The following OXTR variants were observed in gnomAD, a reference collection of about 807,000 sequenced individuals.
OXTR encodes oxytocin receptor.
Under a neutral mutation model 23.9 loss-of-function variants are expected in OXTR, and 19 were observed. The ratio of observed to expected loss-of-function variants is 0.80; its 90% CI spans 0.56 to 1.17. The LOEUF is 1.17. Ranked by LOEUF, OXTR falls within the 50% of genes most tolerant of loss-of-function variation. The pLI, the probability that OXTR is intolerant of heterozygous loss-of-function variation, is 0.00. For synonymous variants in OXTR, 278 were observed against 250.5 expected, an observed-to-expected ratio of 1.11 and a Z score of -1.04; for missense variants, 500 against 550.7, an observed-to-expected ratio of 0.91 and a Z score of 0.92.
Position 8,761,619 on chromosome 3 carries a change from C to T in OXTR, c.922+5647G>A, listed in dbSNP as rs562064468. Among the ~76,000 whole-genome samples the T allele has an allele frequency of 1.7e-3, 258 of 152,302 alleles. 1 individual carries two copies. Among genetic ancestry groups the T allele is most frequent in the African/African-American group, 5.0e-3 (207 of 41,574 alleles). ...CGTGGGCAGGTCACACCTCTCTAAG[C>T]CTCAGTTTCATCATCTGTAGAAAAG... On this transcript the variant is annotated intron_variant, in intron 3 of 3. Coordinates refer to ENST00000316793, the MANE Select transcript of OXTR (RefSeq NM_000916.4).
rs935606503 is a variant in OXTR, at chr3:8,756,932, C to G, written c.923-3708G>C. On this transcript the variant is annotated intron_variant, in intron 3 of 3. Coordinates refer to ENST00000316793, the MANE Select transcript of OXTR (RefSeq NM_000916.4). ...AGGAGGACCTACAAGTCCTCATGGG[C>G]CTGACTCAGAAAGGTCTGCTATGCA... 2.6e-5 allele frequency among the ~76,000 whole-genome samples: 4 copies of G among 152,226 alleles called. No individual in the cohort carries two copies. The East Asian group carries it at 5.8e-4, about 22-fold the overall frequency.
chr3:8,756,054 C>G (rs953744995), intron 3 of OXTR, among the ~76,000 whole-genome samples: 1 of 152,146 alleles, frequency 6.6e-6, no homozygotes, highest in Non-Finnish European at 1.5e-5. Context: ...AATAGGGAGC[C>G]ACTGATGGTT....
At chr3:8,747,445 A>G (rs1708190493), downstream of OXTR, among the ~76,000 whole-genome samples, 1 of 152,070 alleles carries the variant, frequency 6.6e-6, no homozygotes, top group Non-Finnish European at 1.5e-5. Flanking sequence ...TTACATCCCT[A>G]TTCATCTATC....
the OXTR span, among the ~76,000 whole-genome samples, chr3:8,741,336 T>C: frequency 6.6e-6 from 1 of 152,224 alleles, no homozygotes; most frequent in Non-Finnish European, 1.5e-5. Context: ...CAAATTTCTA[T>C]GAATATTTCT....
At chr3:8,753,668 C>A (rs929013175) in intron 3 of OXTR, among the ~76,000 whole-genome samples, 21 of 152,188 alleles carry the variant, frequency 1.4e-4, no homozygotes, top group Admixed American at 1.2e-3. Context: ...TACTTGAAGT[C>A]CCTAAGAAGC....
At position 8,769,481 on chromosome 3, in the gene OXTR, T is replaced by C. The variant is rs556898345; in HGVS notation, c.-489A>G. ...TCCCAGGCTGCGCGCGCGGACAGCGTCTGGATGCGGCGCTGTGCGCTGGGG... is the reference window on the plus strand; with the variant it reads ...TCCCAGGCTGCGCGCGCGGACAGCGCCTGGATGCGGCGCTGTGCGCTGGGG... On this transcript the variant is annotated 5_prime_UTR_variant, in exon 1 of 4. Transcript: ENST00000316793. The C allele has an allele frequency of 3.3e-5, 5 of 152,408 alleles. No homozygotes were observed. In the East Asian group the frequency reaches 9.7e-4, roughly 29 times the overall value. The allele number at this position is 152,408 out of a possible 1,614,324, so 9.4% of individuals were successfully genotyped here.
At chr3:8,759,421 T>A (rs1708442064) in intron 3 of OXTR, among the ~76,000 whole-genome samples, 1 of 152,220 alleles carries the variant, frequency 6.6e-6, no homozygotes, top group Admixed American at 6.5e-5. Flanking sequence ...GTCTTATTGG[T>A]AGCTCCGTCC....
At chr3:8,760,257 G>A (rs115396476) in intron 3 of OXTR, among the ~76,000 whole-genome samples, 2,174 of 152,298 alleles carry the variant, frequency 0.014, 24 homozygotes, top group Middle Eastern at 0.041. Flanking sequence ...CAGCACTGCC[G>A]CTCCATCTGA....
At chr3:8,766,995 T>C (rs529106951) in intron 3 of OXTR, among the ~76,000 whole-genome samples, 4 of 152,324 alleles carry the variant, frequency 2.6e-5, no homozygotes, top group East Asian at 1.9e-4. Flanking sequence ...CTAAGGACTT[T>C]AACTGCATTT....
chr3:8,755,978 G>T (rs1048350915), intron 3 of OXTR, among the ~76,000 whole-genome samples: 8 of 152,212 alleles, frequency 5.3e-5, no homozygotes, highest in Non-Finnish European at 1.2e-4. Flanking sequence ...AGTTTGGAAA[G>T]ATGGTTTGGA....
the OXTR span, among the ~76,000 whole-genome samples, chr3:8,744,333 C>G: frequency 6.9e-6 from 1 of 144,480 alleles, no homozygotes; most frequent in African/African-American, 2.7e-5. Flanking sequence ...GGCTGGAGTG[C>G]AGTGGCACAA....
rs1457871248 is a variant in OXTR, at chr3:8,767,278, C to T, written c.910G>A (p.Ala304Thr). 3.2e-6 allele frequency: 5 copies of T among 1,550,178 alleles called. No homozygotes were observed. The highest frequency in any genetic ancestry group is 4.3e-6 in the Non-Finnish European group (5 of 1,149,440). The change falls in exon 3 of 4, where the codon GCG becomes ACG. Residue 304 changes from alanine (A) to threonine (T), a missense_variant. Ala to Thr is a moderately conservative substitution (Grantham distance 58). Coordinates refer to ENST00000316793, the MANE Select transcript of OXTR (RefSeq NM_000916.4). ...CAGCCCTGGCTACCTTCCTTGGGCG[C>T]GTTGGCATCCCAGACGCTCCACATC... ...VQMWSVWDAN[A>T]PKEASAFIIV...
rs1708246696 is a variant in OXTR at position 8,751,023 on chromosome 3, C to T, written c.*1954G>A. On this transcript the variant is annotated 3_prime_UTR_variant, in exon 4 of 4. Coordinates refer to ENST00000316793, the MANE Select transcript of OXTR (RefSeq NM_000916.4). ...ACAATTTAAATTTCTACCAGTTTCT[C>T]TACATCCTCACCGACACTCGTTCTT... The T allele has an allele frequency of 6.6e-6, 1 of 152,174 alleles. No homozygotes were observed. Among genetic ancestry groups the T allele is most frequent in the African/African-American group, 2.4e-5 (1 of 41,436 alleles). 9.4% of individuals were successfully genotyped at this position (152,174 alleles called of 1,614,324 possible).
At chr3:8,762,901 A>G (rs1708520350) in intron 3 of OXTR, among the ~76,000 whole-genome samples, 1 of 152,110 alleles carries the variant, frequency 6.6e-6, no homozygotes, top group African/African-American at 2.4e-5. Flanking sequence ...TCCTGAGTCC[A>G]GCTCTTCATG....
Position 8,768,860 on chromosome 3 carries a change from G to A in OXTR, c.-238-269C>T, listed in dbSNP as rs768896079. Reference sequence around the variant, plus strand: ...TCTAACCCCCTTTTCTAAGACGGTCGGCCGTCACTCCCTGAACTTCCACAG... The same window carrying A: ...TCTAACCCCCTTTTCTAAGACGGTCAGCCGTCACTCCCTGAACTTCCACAG... On this transcript the variant is annotated intron_variant, in intron 1 of 3. Transcript: ENST00000316793. This position sits in a 1 kb window ranked among gnomAD's most constrained non-coding sequence, Gnocchi z 5.4. Among the ~76,000 whole-genome samples, 2 of 152,080 alleles carry A rather than the reference G, an allele frequency of 1.3e-5. No homozygotes were observed. The highest frequency in any genetic ancestry group is 2.9e-5 in the Non-Finnish European group (2 of 68,018).
chr3:8,760,761 AAC>A (rs1460475171), intron 3 of OXTR, among the ~76,000 whole-genome samples: 1 of 152,214 alleles, frequency 6.6e-6, no homozygotes, highest in African/African-American at 2.4e-5. Flanking sequence ...CCATGGCAGG[AAC>A]AGTATTAGCA....
downstream of OXTR, chr3:8,745,517 C>T (rs1367760550): frequency 5.6e-6 from 9 of 1,611,914 alleles, no homozygotes; most frequent in South Asian, 1.1e-5. The surrounding 1 kb of genome is among the most constrained non-coding windows in gnomAD (Gnocchi z 4.8). Context: ...CCCCTTGCCA[C>T]CCCTGCAGGT....
At chr3:8,754,691 G>GC (rs1343412347) in intron 3 of OXTR, among the ~76,000 whole-genome samples, 2 of 152,094 alleles carry the variant, frequency 1.3e-5, no homozygotes, top group South Asian at 2.1e-4. Context: ...CTCAAAGTAG[G>GC]CCCCCCTCCC....
In OXTR at chr3:8,768,320, T is replaced by G; in HGVS notation, c.-133A>C. On this transcript the variant is annotated 5_prime_UTR_variant, in exon 3 of 4. Transcript: ENST00000316793. The surrounding 1 kb of genome is among the most constrained non-coding windows in gnomAD (Gnocchi z 5.4). ...CTGGAGACTCCACGGACGGATCTGC[T>G]GGGTCCACCCTGAAACAAACCGGGA... The G allele has an allele frequency of 8.3e-7, 1 of 1,209,478 alleles. No homozygotes were observed. The highest frequency in any genetic ancestry group is 1.0e-6 in the Non-Finnish European group (1 of 973,634). The allele number at this position is 1,209,478 out of a possible 1,614,324, so 74.9% of individuals were successfully genotyped here.
Sources: gnomAD v4.1 joint callset for allele counts (sites outside exome capture counted in the v4.1 genomes callset) on GRCh38, gnomAD v4.1.1 for gene constraint, Gnocchi (gnomAD v3.1) non-coding constraint, MANE v1.5 for transcripts, NCBI Gene and HGNC (gene_info 2026-07-23, HGNC 2026-07-21) for gene names.